NIBAN1: variants seen among roughly 807,000 people sequenced by gnomAD.
NIBAN1 encodes the protein protein Niban 1.
In NIBAN1, 81 loss-of-function variants were observed where a neutral mutation model predicts 75.1. That is an observed-to-expected ratio of 1.08 (90% CI 0.90 to 1.30). The LOEUF is 1.30. NIBAN1 is among the 50% of genes most tolerant of loss of function. The pLI, the probability that NIBAN1 is intolerant of heterozygous loss-of-function variation, is 0.00. For missense variants in NIBAN1, 1,133 were observed against 1,128.1 expected (o/e 1.00, Z -0.06); for synonymous variants, 436 against 424.8 (o/e 1.03, Z -0.32).
At chr1:184,807,486 T>C (rs1461595032) in intron 10 of NIBAN1, among the ~76,000 whole-genome samples, 1 of 152,166 alleles carries the variant, frequency 6.6e-6, no homozygotes, top group Non-Finnish European at 1.5e-5. Flanking sequence ...AGGGAAGTTC[T>C]ATCAAAAAGT....
At chr1:184,866,013 T>C (rs1655946798) in intron 5 of NIBAN1, among the ~76,000 whole-genome samples, 1 of 152,184 alleles carries the variant, frequency 6.6e-6, no homozygotes, top group African/African-American at 2.4e-5. Flanking sequence ...TTCCAGATGC[T>C]TTTTCAAATG....
chr1:184,816,958 T>C (rs1162400387), intron 9 of NIBAN1, among the ~76,000 whole-genome samples: 3 of 152,124 alleles, frequency 2.0e-5, no homozygotes, highest in African/African-American at 7.2e-5. Context: ...ACATGTGCCA[T>C]GTTGGTCTGC....
At chr1:184,813,137 TA>T (rs1258231075) in intron 9 of NIBAN1, among the ~76,000 whole-genome samples, 2 of 152,188 alleles carry the variant, frequency 1.3e-5, no homozygotes, top group African/African-American at 4.8e-5. Flanking sequence ...ATAAAGCCAA[TA>T]ACCAATTAAG....
chr1:184,805,958 G>T lies in NIBAN1; in HGVS notation c.1434C>A (p.Leu478=). 1 of 1,613,678 alleles carries T rather than the reference G, an allele frequency of 6.2e-7. No individual in the cohort carries two copies. The highest frequency in any genetic ancestry group is 8.5e-7 in the Non-Finnish European group (1 of 1,179,556). Residue 478 remains leucine, a synonymous_variant, in exon 11 of 14, where the codon CTC becomes CTA. Coordinates refer to ENST00000367511, the MANE Select transcript of NIBAN1 (RefSeq NM_052966.4). ...AGAACGGTTTTACCTTTAAGACTCG[G>T]AGTTTAACCTTCTCAATGGCAACTG... is the stretch of plus-strand genomic sequence containing the variant. ...KTAVAIEKVK[L]RVLKQYDYDS...
chr1:184,881,331 G>A (rs575795248), intron 5 of NIBAN1, among the ~76,000 whole-genome samples: 6 of 152,220 alleles, frequency 3.9e-5, no homozygotes, highest in African/African-American at 1.4e-4. Context: ...GCAGGACAAG[G>A]GGGTTCTAGA....
At chr1:184,887,297 G>A (rs1656552530) in intron 4 of NIBAN1, among the ~76,000 whole-genome samples, 1 of 152,144 alleles carries the variant, frequency 6.6e-6, no homozygotes, top group Non-Finnish European at 1.5e-5. Flanking sequence ...GAATCAACAT[G>A]AAAACGAGCA....
intron 5 of NIBAN1, among the ~76,000 whole-genome samples, chr1:184,862,118 C>T (rs921073344): frequency 2.6e-5 from 4 of 152,150 alleles, no homozygotes; most frequent in Non-Finnish European, 4.4e-5. Context: ...TGCCAAAGTA[C>T]ATATTAGAAA....
intron 1 of NIBAN1, among the ~76,000 whole-genome samples, chr1:184,947,079 G>GAAAAAAGGAAAAA (rs1553230564): frequency 6.6e-6 from 1 of 150,454 alleles, no homozygotes; most frequent in Non-Finnish European, 1.5e-5. Context: ...ATCTCAAAAA[G>GAAAAAAGGAAAAA]AAAAGAAAAG....
intron 1 of NIBAN1, among the ~76,000 whole-genome samples, chr1:184,935,158 C>T (rs10911658): frequency 0.4 from 60,129 of 151,886 alleles, 13,732 homozygotes; most frequent in South Asian, 0.51. Context: ...ATGTCACATA[C>T]TACAGCTGTC....
Position 184,852,591 on chromosome 1 carries a change from A to G in NIBAN1, c.602-20629T>C, listed in dbSNP as rs1178293293. 2.0e-5 allele frequency among the ~76,000 whole-genome samples: 3 copies of G among 152,308 alleles called. No individual in the cohort carries two copies. The East Asian group carries it at 5.8e-4, about 29-fold the overall frequency. On this transcript the variant is annotated intron_variant, in intron 5 of 13. Transcript: ENST00000367511. ...TCTCTGGGCCTAATCTCTCATTTCA[A>G]GTGGAAGGCTGACCATCATGTCTGC...
At chr1:184,939,049 A>T (rs575488340) in intron 1 of NIBAN1, among the ~76,000 whole-genome samples, 1 of 152,346 alleles carries the variant, frequency 6.6e-6, no homozygotes, top group Non-Finnish European at 1.5e-5. Context: ...ATTTTGACTT[A>T]TTTGAGAATT....
In NIBAN1 at chr1:184,892,827, AT is replaced by A. The variant is rs537026049; in HGVS notation, c.318+1247del. 9.9e-5 allele frequency among the ~76,000 whole-genome samples: 15 copies of A among 152,000 alleles called. No individual in the cohort carries two copies. In the East Asian group the frequency reaches 2.9e-3, roughly 29 times the overall value. On this transcript the variant is annotated intron_variant, in intron 3 of 13. Transcript: ENST00000367511. ...CACTCTGTCACCCAGGCTGGAGTGC[AT>A]TGGGGTGATCTCAGCTCACTGCAAC... is the stretch of plus-strand genomic sequence containing the variant.
intron 1 of NIBAN1, among the ~76,000 whole-genome samples, chr1:184,942,681 G>A (rs1452664723): frequency 2.1e-5 from 3 of 140,224 alleles, no homozygotes; most frequent in South Asian, 2.2e-4. Context: ...GCGACAGAGC[G>A]AGACTCCGTC....
At chr1:184,944,904 G>A (rs1216016570) in intron 1 of NIBAN1, among the ~76,000 whole-genome samples, 1 of 152,158 alleles carries the variant, frequency 6.6e-6, no homozygotes, top group African/African-American at 2.4e-5. Context: ...AGGAAAGGAG[G>A]TAAAGAAATA....
chr1:184,831,981 G>A lies in NIBAN1; in HGVS notation c.602-19C>T. On this transcript the variant is annotated intron_variant, in intron 5 of 13. Coordinates refer to ENST00000367511, the MANE Select transcript of NIBAN1 (RefSeq NM_052966.4). ...ATGTAATCTAAAGAAAAGAAGAAAG[G>A]GCATTCAGCAAGATAAAACACTCTA... The A allele has an allele frequency of 1.3e-6, 2 of 1,579,960 alleles. No homozygotes were observed. The highest frequency in any genetic ancestry group is 1.7e-6 in the Non-Finnish European group (2 of 1,149,098).
rs760188582 is a variant in NIBAN1, at chr1:184,806,012, T to C, written c.1380A>G (p.Pro460=). ...TTTTGGAGGCCTCTCCTTGGAGATG[T>C]GGGGAAAGCAACTGCTCAAAAGTGA... ...AVFTFEQLLS[P]HLQGEASKTA... is the part of the protein sequence containing the mutation. The change falls in exon 11 of 14, where the codon CCA becomes CCG. Residue 460 remains proline (P), a synonymous_variant. Transcript: ENST00000367511. 6.2e-7 allele frequency: 1 copy of C among 1,614,202 alleles called. No individual in the cohort carries two copies.
At chr1:184,961,564 T>G (rs1443027238) in intron 1 of NIBAN1, among the ~76,000 whole-genome samples, 4 of 152,234 alleles carry the variant, frequency 2.6e-5, no homozygotes, top group African/African-American at 9.7e-5. Context: ...ACCTACTTAA[T>G]AGCCATCATG....
intron 1 of NIBAN1, among the ~76,000 whole-genome samples, chr1:184,961,162 G>A (rs1658631597): frequency 7.1e-6 from 1 of 141,722 alleles, no homozygotes; most frequent in Admixed American, 7.6e-5. Context: ...TCCGCCTCCT[G>A]GGTTCACGCC....
chr1:184,882,660 T>C (rs1005575637), intron 5 of NIBAN1, among the ~76,000 whole-genome samples: 1 of 152,092 alleles, frequency 6.6e-6, no homozygotes, highest in Non-Finnish European at 1.5e-5. Flanking sequence ...GCAGGCTACA[T>C]AACATCCAAA....
Sources: allele counts gnomAD v4.1 joint callset (sites outside exome capture counted in the v4.1 genomes callset), GRCh38; gene constraint gnomAD v4.1.1; transcripts MANE v1.5; gene names NCBI Gene and HGNC (gene_info 2026-07-23, HGNC 2026-07-21).